Variants in C3orf70 observed in about 807,000 individuals in gnomAD.
C3orf70 encodes the protein UPF0524 protein C3orf70.
C3orf70 carries 15 observed loss-of-function variants against 20.7 expected under a neutral mutation model. The ratio of observed to expected loss-of-function variants is 0.72; its 90% CI spans 0.48 to 1.11. C3orf70 has a LOEUF of 1.11. Among genes scored for constraint, C3orf70 ranks in the 50% most tolerant of loss-of-function variants. The probability of loss-of-function intolerance (pLI) is 0.00; values close to 1 mark genes in which losing one functional copy is unlikely to be tolerated. For missense variants in C3orf70, 332 were observed against 317.6 expected, an observed-to-expected ratio of 1.05 and a Z score of -0.34; for synonymous variants, 161 against 125.7, an observed-to-expected ratio of 1.28 and a Z score of -1.88.
intron 1 of C3orf70, among the ~76,000 whole-genome samples, chr3:185,106,296 G>T (rs973595066): frequency 1.3e-5 from 2 of 152,174 alleles, no homozygotes; most frequent in Admixed American, 6.5e-5. Context: ...ACATTTAGTT[G>T]ATTACATCAA....
At chr3:185,138,254 C>T (rs1180223331) in intron 1 of C3orf70, among the ~76,000 whole-genome samples, 5 of 151,840 alleles carry the variant, frequency 3.3e-5, no homozygotes. Flanking sequence ...AATTTTTAAA[C>T]TCAAAAACAA....
At chr3:185,136,385 G>A (rs1270342739) in intron 1 of C3orf70, among the ~76,000 whole-genome samples, 1 of 151,728 alleles carries the variant, frequency 6.6e-6, no homozygotes, top group Non-Finnish European at 1.5e-5. Flanking sequence ...GTCAGGAGTT[G>A]GAGACCAGCC....
Position 185,126,356 on chromosome 3 carries a change from G to T in C3orf70, c.196+26272C>A, listed in dbSNP as rs184964559. Among the ~76,000 whole-genome samples, 390 of 152,228 alleles carry T rather than the reference G, an allele frequency of 2.6e-3. 2 individuals are homozygous for T. The highest frequency in any genetic ancestry group is 9.0e-3 in the African/African-American group (375 of 41,546). ...GGTAAAATAGCCTAGAGAAGTTGTT[G>T]CAAGATGATAGAAAAGGATGTCAGT... On this transcript the variant is annotated intron_variant, in intron 1 of 1. Coordinates refer to ENST00000335012, the MANE Select transcript of C3orf70 (RefSeq NM_001025266.3).
intron 1 of C3orf70, among the ~76,000 whole-genome samples, chr3:185,151,415 C>A (rs1385405772): frequency 6.6e-6 from 1 of 152,126 alleles, no homozygotes; most frequent in Non-Finnish European, 1.5e-5. Context: ...GGTACCCTGT[C>A]CCACCGTGAA....
At chr3:185,095,510 T>C (rs772374235) in intron 1 of C3orf70, among the ~76,000 whole-genome samples, 1 of 152,158 alleles carries the variant, frequency 6.6e-6, no homozygotes, top group African/African-American at 2.4e-5. Flanking sequence ...GATAAGGGGA[T>C]GAAAAGTTCA....
chr3:185,138,364 C>T (rs866054839), intron 1 of C3orf70, among the ~76,000 whole-genome samples: 16 of 151,026 alleles, frequency 1.1e-4, no homozygotes, highest in African/African-American at 2.9e-4. Flanking sequence ...ACATTTTCAT[C>T]GAGAAAATAG....
At chr3:185,113,122 AG>A (rs1417741401) in intron 1 of C3orf70, among the ~76,000 whole-genome samples, 1 of 152,064 alleles carries the variant, frequency 6.6e-6, no homozygotes, top group East Asian at 1.9e-4. Context: ...TCTATACTAA[AG>A]AAAAGATCTA....
chr3:185,105,699 G>A (rs1458308031), intron 1 of C3orf70, among the ~76,000 whole-genome samples: 4 of 152,130 alleles, frequency 2.6e-5, no homozygotes, highest in East Asian at 1.9e-4. Context: ...CTCCCCAACC[G>A]AGCTGGTCTC....
At chr3:185,087,812 T>C (rs781556660) in intron 1 of C3orf70, among the ~76,000 whole-genome samples, 10 of 152,210 alleles carry the variant, frequency 6.6e-5, no homozygotes, top group Non-Finnish European at 1.2e-4. Flanking sequence ...ATGGTAATTA[T>C]GTATATTTTA....
intron 1 of C3orf70, among the ~76,000 whole-genome samples, chr3:185,129,762 G>T (rs758841409): frequency 7.9e-5 from 12 of 152,134 alleles, no homozygotes; most frequent in Non-Finnish European, 1.6e-4. Flanking sequence ...TGTTAAACTT[G>T]TCCCATTACC....
At chr3:185,133,811 A>C (rs1305174309) in intron 1 of C3orf70, among the ~76,000 whole-genome samples, 1 of 152,182 alleles carries the variant, frequency 6.6e-6, no homozygotes, top group Non-Finnish European at 1.5e-5. Context: ...AAGCATGAAG[A>C]AATGAGAAAG....
rs1054473184 is a variant in C3orf70, at chr3:185,079,147, G to T, written c.*3860C>A. 6.6e-6 allele frequency: 1 copy of T among 151,930 alleles called. No individual in the cohort carries two copies. The highest frequency in any genetic ancestry group is 1.5e-5 in the Non-Finnish European group (1 of 68,028). The allele number at this position is 151,930 out of a possible 1,614,324, so 9.4% of individuals were successfully genotyped here. A position where few individuals can be genotyped will look rare whatever the true frequency, so the allele number is the denominator to read the frequency against. On this transcript the variant is annotated 3_prime_UTR_variant, in exon 2 of 2. Transcript: ENST00000335012. The stretch of plus-strand genomic sequence containing the variant: ...ATACAAAAAATTAGCGAGGCATGGT[G>T]GCGGGCACCTATAGTCCCAGCTACT...
At position 185,083,346 on chromosome 3, in the gene C3orf70, A is replaced by G. The variant is rs769351177; in HGVS notation, c.414T>C (p.Cys138=). 1.6e-5 allele frequency: 26 copies of G among 1,614,182 alleles called. No individual in the cohort carries two copies. The South Asian group carries it at 2.7e-4, about 17-fold the overall frequency. Residue 138 remains cysteine, a synonymous_variant, in exon 2 of 2, where the codon TGT becomes TGC. Transcript: ENST00000335012. ...GCACATAACACATCTTCCCATTAAT[A>G]CATTTAACCTGATAGTTGTCAATAA... ...DLFIDNYQVK[C]INGKMCYVQK... is the part of the protein sequence containing the mutation.
At chr3:185,129,208 T>C (rs764179853) in intron 1 of C3orf70, among the ~76,000 whole-genome samples, 12 of 152,142 alleles carry the variant, frequency 7.9e-5, no homozygotes, top group Non-Finnish European at 1.5e-4. Flanking sequence ...ACAGGTAGTT[T>C]TGCAATCCTG....
intron 1 of C3orf70, among the ~76,000 whole-genome samples, chr3:185,123,737 TA>T (rs2108600069): frequency 6.6e-6 from 1 of 152,304 alleles, no homozygotes; most frequent in Admixed American, 6.5e-5. Context: ...ATTACAAAAA[TA>T]TATATTATTG....
chr3:185,134,114 A>C lies in C3orf70; in HGVS notation c.196+18514T>G, dbSNP rs970469367. ...TCAAAAAGAAAAAGAAAAAAAATAC[A>C]TCATATATATATAGAGGAGATGGAT... On this transcript the variant is annotated intron_variant, in intron 1 of 1. Coordinates refer to ENST00000335012, the MANE Select transcript of C3orf70 (RefSeq NM_001025266.3). Among the ~76,000 whole-genome samples the C allele has an allele frequency of 6.9e-5, 10 of 144,884 alleles. 1 individual carries two copies. The highest frequency in any genetic ancestry group is 2.4e-4 in the African/African-American group (9 of 38,206).
intron 1 of C3orf70, among the ~76,000 whole-genome samples, 181 bp downstream of exon 1, chr3:185,152,447 A>C (rs889269238): frequency 1.3e-5 from 2 of 152,288 alleles, no homozygotes; most frequent in Middle Eastern, 3.4e-3. Context: ...CGCCAACCCC[A>C]GCCGTCCGGC....
intron 1 of C3orf70, among the ~76,000 whole-genome samples, chr3:185,141,303 C>T (rs545646208): frequency 6.6e-6 from 1 of 151,812 alleles, no homozygotes; most frequent in Admixed American, 6.6e-5. Flanking sequence ...TCATACATTG[C>T]TAGTGGGAAT....
At chr3:185,091,961 A>ATATATATATATT (rs1715598716) in intron 1 of C3orf70, among the ~76,000 whole-genome samples, 1 of 7,222 alleles carries the variant, frequency 1.4e-4, no homozygotes, top group Non-Finnish European at 2.4e-4. Context: ...ATATATATAT[A>ATATATATATATT]TATTTTTTTT....
Sources: allele counts gnomAD v4.1 joint callset (sites outside exome capture counted in the v4.1 genomes callset), GRCh38; gene constraint gnomAD v4.1.1; transcripts MANE v1.5; gene names NCBI Gene and HGNC (gene_info 2026-07-23, HGNC 2026-07-21).